CAMTA1: variants seen among roughly 807,000 people sequenced by gnomAD.
CAMTA1 encodes calmodulin binding transcription activator 1, also known as calmodulin-binding transcription activator 1.
A neutral mutation model predicts 170.9 loss-of-function variants in CAMTA1; 27 were observed. That is an observed-to-expected ratio of 0.16 (90% CI 0.12 to 0.22). The LOEUF is 0.22. Ranked by LOEUF, CAMTA1 falls within the 10% of genes least tolerant of loss-of-function variation. The probability of loss-of-function intolerance (pLI) is 1.00; values close to 1 mark genes in which losing one functional copy is unlikely to be tolerated. For synonymous variants in CAMTA1, 833 were observed against 891.5 expected, an observed-to-expected ratio of 0.93 and a Z score of 1.17; for missense variants, 1,619 against 2,217.2, an observed-to-expected ratio of 0.73 and a Z score of 5.42.
chr1:7,200,163 A>T (rs1656386695), intron 4 of CAMTA1, among the ~76,000 whole-genome samples: 1 of 152,224 alleles, frequency 6.6e-6, no homozygotes, highest in South Asian at 2.1e-4. Context: ...TTCTCTGTGT[A>T]TGTGGGTGTG....
At chr1:7,740,371 G>A (rs1263980675) in intron 16 of CAMTA1, among the ~76,000 whole-genome samples, 1 of 152,198 alleles carries the variant, frequency 6.6e-6, no homozygotes, top group African/African-American at 2.4e-5. Context: ...CAGGCAGCTG[G>A]CTGAATTCAG....
chr1:7,004,538 G>A (rs1469780449), intron 3 of CAMTA1, among the ~76,000 whole-genome samples: 2 of 152,040 alleles, frequency 1.3e-5, no homozygotes, highest in African/African-American at 4.8e-5. Flanking sequence ...CTAATTTCAA[G>A]TCTGTTTGTT....
At chr1:7,537,932 TTTC>T (rs2094567632) in intron 6 of CAMTA1, among the ~76,000 whole-genome samples, 1 of 152,248 alleles carries the variant, frequency 6.6e-6, no homozygotes, top group Non-Finnish European at 1.5e-5. Context: ...CTTTTCCTAT[TTTC>T]TTCTACTTCA....
chr1:7,527,727 G>A (rs926007696), intron 6 of CAMTA1, among the ~76,000 whole-genome samples: 14 of 152,216 alleles, frequency 9.2e-5, no homozygotes, highest in African/African-American at 3.4e-4. Context: ...ATAGGGAGCT[G>A]AAAGCCCAGG....
intron 6 of CAMTA1, among the ~76,000 whole-genome samples, chr1:7,500,565 G>A (rs114734182): frequency 1.8e-3 from 274 of 152,236 alleles, no homozygotes; most frequent in African/African-American, 5.7e-3. Context: ...TTGAGGACGC[G>A]GCCCTGCTCC....
chr1:7,217,987 A>G (rs2149108171), intron 4 of CAMTA1, among the ~76,000 whole-genome samples: 1 of 152,298 alleles, frequency 6.6e-6, no homozygotes, highest in Admixed American at 6.5e-5. Context: ...AATTTTCTAG[A>G]AGATTCCTTC....
intron 6 of CAMTA1, among the ~76,000 whole-genome samples, chr1:7,507,038 A>G (rs1256024599): frequency 6.7e-6 from 1 of 149,906 alleles, no homozygotes; most frequent in Non-Finnish European, 1.5e-5. Flanking sequence ...ACTCATGCTC[A>G]CATTATCACA....
rs118036079 is a variant in CAMTA1, at chr1:7,268,664, A to G, written c.438+19038A>G. Among the ~76,000 whole-genome samples, 105 of 152,366 alleles carry G rather than the reference A, an allele frequency of 6.9e-4. 2 individuals are homozygous for G. In the East Asian group the frequency reaches 0.013, roughly 19 times the overall value. On this transcript the variant is annotated intron_variant, in intron 5 of 22. Transcript: ENST00000303635. ...ATCAAAATGAGCAAGCTGATCTGCA[A>G]ATAATGCAAGTGCCTAACAAAGCTA...
At chr1:7,421,301 C>T (rs924135667) in intron 5 of CAMTA1, among the ~76,000 whole-genome samples, 4 of 151,982 alleles carry the variant, frequency 2.6e-5, no homozygotes, top group East Asian at 1.9e-4. Context: ...TACAGGCGCC[C>T]GCCACCACAC....
At chr1:7,740,886 C>G (rs758891415) in intron 16 of CAMTA1, among the ~76,000 whole-genome samples, 7 of 152,084 alleles carry the variant, frequency 4.6e-5, no homozygotes, top group Non-Finnish European at 1.0e-4. Flanking sequence ...AAATTAAGAG[C>G]ATGTGTCTAT....
Position 7,634,451 on chromosome 1 carries a change from G to A in CAMTA1, c.511-5949G>A, listed in dbSNP as rs1200292232. On this transcript the variant is annotated intron_variant, in intron 6 of 22. Transcript: ENST00000303635. This position sits in a 1 kb window ranked among gnomAD's most constrained non-coding sequence, Gnocchi z 6.2. ...AAGTCATGGGGATTTTGAGGCCTTCGAGGGGTGCCGTCAACAGGCAGGTAG... is the reference window on the plus strand; with the variant it reads ...AAGTCATGGGGATTTTGAGGCCTTCAAGGGGTGCCGTCAACAGGCAGGTAG... Among the ~76,000 whole-genome samples the A allele has an allele frequency of 1.3e-5, 2 of 152,092 alleles. No individual in the cohort carries two copies. Among genetic ancestry groups the A allele is most frequent in the African/African-American group, 4.8e-5 (2 of 41,408 alleles).
rs148916749 is a variant in CAMTA1 at position 7,199,073 on chromosome 1, C to G, written c.303-50418C>G. Among the ~76,000 whole-genome samples the G allele has an allele frequency of 3.4e-3, 516 of 152,310 alleles. 3 individuals carry two copies. The highest frequency in any genetic ancestry group is 0.012 in the African/African-American group (482 of 41,574). ...GTCTTTTCCCCCCCACTTCTCTCCC[C>G]TAAGCGCCTGGAGGTTTGCGCGGCA... is the stretch of plus-strand genomic sequence containing the variant. On this transcript the variant is annotated intron_variant, in intron 4 of 22. Transcript: ENST00000303635.
intron 4 of CAMTA1, among the ~76,000 whole-genome samples, chr1:7,197,481 G>A (rs981940907): frequency 2.6e-5 from 4 of 152,116 alleles, no homozygotes; most frequent in Non-Finnish European, 4.4e-5. Context: ...TGACCAGGAC[G>A]TAGCATCATT....
intron 1 of CAMTA1, among the ~76,000 whole-genome samples, chr1:6,810,244 C>T (rs753408115): frequency 5.9e-5 from 9 of 152,252 alleles, no homozygotes; most frequent in East Asian, 1.9e-4. Context: ...GGGGAGGATC[C>T]ACTTCCAGGC....
rs145799281 is a variant in CAMTA1 at position 7,330,854 on chromosome 1, G to A, written c.438+81228G>A. On this transcript the variant is annotated intron_variant, in intron 5 of 22. Transcript: ENST00000303635. The stretch of plus-strand genomic sequence containing the variant: ...GTGTGCATCCTATCAGCCAGATACT[G>A]GGGGAAGCAGGCAGGGCTGGCCTCA... 1.1e-3 allele frequency among the ~76,000 whole-genome samples: 161 copies of A among 152,330 alleles called. 2 individuals carry two copies. In the East Asian group the frequency reaches 0.025, roughly 23 times the overall value.
intron 6 of CAMTA1, among the ~76,000 whole-genome samples, chr1:7,617,607 C>T (rs1478176667): frequency 6.6e-6 from 1 of 152,106 alleles, no homozygotes; most frequent in Non-Finnish European, 1.5e-5. Context: ...GCTAAGCAGA[C>T]ACTTAGACAC....
rs1641757033 is a variant in CAMTA1 at position 7,093,816 on chromosome 1, C to T, written c.302+2445C>T. Among the ~76,000 whole-genome samples the T allele has an allele frequency of 6.6e-6, 1 of 152,176 alleles. No individual in the cohort carries two copies. The highest frequency in any genetic ancestry group is 1.5e-5 in the Non-Finnish European group (1 of 68,038). On this transcript the variant is annotated intron_variant, in intron 4 of 22. Transcript: ENST00000303635. This position sits in a 1 kb window ranked among gnomAD's most constrained non-coding sequence, Gnocchi z 4.6. ...GTCCGGGTTTGAGTCCTGGCTCCGT[C>T]ACTCAGTGGCTTTGCGACTGTGAAA...
At chr1:7,484,721 G>A (rs1043368064) in intron 6 of CAMTA1, among the ~76,000 whole-genome samples, 1 of 152,058 alleles carries the variant, frequency 6.6e-6, no homozygotes, top group Non-Finnish European at 1.5e-5. Context: ...CCTGGGAGGC[G>A]GAGCTTGCAG....
At chr1:7,645,009 A>T (rs2095793308) in intron 7 of CAMTA1, among the ~76,000 whole-genome samples, 1 of 152,224 alleles carries the variant, frequency 6.6e-6, no homozygotes, top group South Asian at 2.1e-4. Context: ...TCTAAAGCTT[A>T]GTATGTCTCA....
Sources: gnomAD v4.1 joint callset for allele counts (sites outside exome capture counted in the v4.1 genomes callset) on GRCh38, gnomAD v4.1.1 for gene constraint, Gnocchi (gnomAD v3.1) non-coding constraint, MANE v1.5 for transcripts, NCBI Gene and HGNC (gene_info 2026-07-23, HGNC 2026-07-21) for gene names.